The following PYROXD1 variants were observed in gnomAD, a reference collection of about 807,000 sequenced individuals.
PYROXD1 encodes pyridine nucleotide-disulphide oxidoreductase domain 1, also known as tRNA ligase complex-associated NAD(P)H dehydrogenase PYROXD1.
A neutral mutation model predicts 62.0 loss-of-function variants in PYROXD1; 42 were observed. The ratio of observed to expected loss-of-function variants is 0.68; its 90% CI spans 0.53 to 0.88. The LOEUF (loss-of-function observed/expected upper bound fraction) is 0.88, where lower values mean the gene tolerates loss of function less well. Ranked by LOEUF, PYROXD1 falls within the 40% of genes least tolerant of loss-of-function variation. The pLI, the probability that PYROXD1 is intolerant of heterozygous loss-of-function variation, is 0.00. For synonymous variants in PYROXD1, 170 were observed against 206.4 expected, an observed-to-expected ratio of 0.82 and a Z score of 1.51; for missense variants, 493 against 604.8, an observed-to-expected ratio of 0.82 and a Z score of 1.94.
chr12:21,440,774 T>C (rs1040900594), intron 2 of PYROXD1, among the ~76,000 whole-genome samples: 2 of 152,250 alleles, frequency 1.3e-5, no homozygotes, highest in African/African-American at 4.8e-5. Flanking sequence ...TCAGCTTTTC[T>C]CCATTCAATA....
chr12:21,456,259 C>T (rs1009316630), intron 7 of PYROXD1, among the ~76,000 whole-genome samples, 164 bp downstream of exon 7: 1 of 152,064 alleles, frequency 6.6e-6, no homozygotes, highest in South Asian at 2.1e-4. Context: ...TCCATTTGGC[C>T]ACCAAAGAAA....
At chr12:21,447,651 G>T in intron 3 of PYROXD1, 1 of 173,780 alleles carries the variant, frequency 5.8e-6, no homozygotes, top group South Asian at 1.6e-4. Flanking sequence ...GGGAATTCGG[G>T]AACTCAGTGG....
In PYROXD1 at chr12:21,469,528, T is replaced by C. The variant is rs2137299784; in HGVS notation, c.*774T>C. 1 of 150,768 alleles carries C rather than the reference T, an allele frequency of 6.6e-6. No homozygotes were observed. Among genetic ancestry groups the C allele is most frequent in the Middle Eastern group, 3.5e-3 (1 of 286 alleles). The allele number at this position is 150,768 out of a possible 1,614,324, so 9.3% of individuals were successfully genotyped here. Reference sequence around the variant, plus strand: ...CTTAAAGTATCACTCAGTGAACCTCTGTCAGTATAATATTGCTTTCAAAAA... The same window carrying C: ...CTTAAAGTATCACTCAGTGAACCTCCGTCAGTATAATATTGCTTTCAAAAA... On this transcript the variant is annotated 3_prime_UTR_variant, in exon 12 of 12. Transcript: ENST00000240651.
chr12:21,448,035 C>T (rs912372695), intron 3 of PYROXD1: 4 of 492,720 alleles, frequency 8.1e-6, no homozygotes, highest in Non-Finnish European at 1.5e-5. Context: ...AGGTATCTCT[C>T]TAAAATTGAC....
chr12:21,465,328 CAT>C (rs1161308821), intron 10 of PYROXD1, among the ~76,000 whole-genome samples: 2 of 152,018 alleles, frequency 1.3e-5, no homozygotes, highest in African/African-American at 4.8e-5. Context: ...CTCTCCAGCA[CAT>C]GTTGTTTCCT....
rs11550068 is a variant in PYROXD1 at position 21,468,629 on chromosome 12, G to A, written c.1378G>A (p.Val460Ile). The A allele has an allele frequency of 4.1e-5, 66 of 1,613,032 alleles. No individual in the cohort carries two copies. Among genetic ancestry groups the A allele is most frequent in the Non-Finnish European group, 5.5e-5 (65 of 1,179,380 alleles). ...GCAAAATGGACGAATGATGGGAGCT[G>A]TCTTAATTGGTGAAACCGATTTAGA... ...VMQNGRMMGA[V>I]LIGETDLEET... is the part of the protein sequence containing the mutation. The change falls in exon 12 of 12, where the codon GTC becomes ATC. Residue 460 changes from valine to isoleucine, a missense_variant. Transcript: ENST00000240651.
intron 7 of PYROXD1, among the ~76,000 whole-genome samples, chr12:21,458,650 C>G (rs929151651): frequency 6.6e-6 from 1 of 152,090 alleles, no homozygotes; most frequent in African/African-American, 2.4e-5. Context: ...ACTGATTGCC[C>G]TGGTTTCAAT....
At chr12:21,449,493 G>T in intron 3 of PYROXD1, 70 bp from the exon 4 acceptor site, 1 of 1,475,588 alleles carries the variant, frequency 6.8e-7, no homozygotes, top group Admixed American at 2.2e-5. Flanking sequence ...TGAATTTTTA[G>T]TTTAAAGTGA....
chr12:21,458,987 T>TA (rs1418730057), intron 7 of PYROXD1, among the ~76,000 whole-genome samples: 3 of 152,158 alleles, frequency 2.0e-5, no homozygotes, highest in Non-Finnish European at 4.4e-5. Flanking sequence ...CTTCAATTTG[T>TA]AAAAAACACA....
intron 3 of PYROXD1, 146 bp downstream of exon 3, chr12:21,445,612 G>A: frequency 1.2e-6 from 1 of 847,300 alleles, no homozygotes; most frequent in African/African-American, 1.7e-5. Context: ...AGTATTATTA[G>A]AAAAAATACA....
chr12:21,442,979 C>T (rs189785648), intron 2 of PYROXD1, among the ~76,000 whole-genome samples: 3 of 151,686 alleles, frequency 2.0e-5, no homozygotes, highest in Non-Finnish European at 2.9e-5. Context: ...GTTGAGCCCT[C>T]TTTGGGCTAT....
intron 2 of PYROXD1, among the ~76,000 whole-genome samples, chr12:21,441,571 G>T (rs1453398631): frequency 6.6e-6 from 1 of 151,784 alleles, no homozygotes; most frequent in Non-Finnish European, 1.5e-5. Flanking sequence ...ATAGTCTGTT[G>T]CATTTTTTTT....
chr12:21,462,964 C>A, intron 10 of PYROXD1, 102 bp downstream of exon 10: 2 of 1,175,734 alleles, frequency 1.7e-6, no homozygotes, highest in Non-Finnish European at 2.3e-6. Context: ...AACTTTTCTG[C>A]TTAAGTAGGA....
At chr12:21,462,162 G>A (rs1375650111) in intron 9 of PYROXD1, 42 bp downstream of exon 9, 6 of 1,108,038 alleles carry the variant, frequency 5.4e-6, no homozygotes, top group Non-Finnish European at 8.2e-6. Flanking sequence ...TATATTTGAA[G>A]TATTTTTGTG....
Position 21,470,281 on chromosome 12 carries a change from G to T in PYROXD1, c.*1527G>T. ...TGTTTGCAGCCTTCTTCTGGAAGTT[G>T]CCTGAATTTTTTTCCTCCATCTTTT... On this transcript the variant is annotated 3_prime_UTR_variant, in exon 12 of 12. Coordinates refer to ENST00000240651, the MANE Select transcript of PYROXD1 (RefSeq NM_024854.5). The T allele has an allele frequency of 6.2e-7, 1 of 1,604,676 alleles. No homozygotes were observed. Among genetic ancestry groups the T allele is most frequent in the South Asian group, 1.1e-5 (1 of 90,468 alleles).
intron 10 of PYROXD1, among the ~76,000 whole-genome samples, chr12:21,466,977 T>C (rs1942806650): frequency 6.6e-6 from 1 of 152,152 alleles, no homozygotes; most frequent in Non-Finnish European, 1.5e-5. Context: ...GCAAAACAAT[T>C]TAAATGACTT....
intron 10 of PYROXD1, among the ~76,000 whole-genome samples, chr12:21,465,183 G>C (rs1038317135): frequency 6.6e-6 from 1 of 152,086 alleles, no homozygotes; most frequent in East Asian, 1.9e-4. Flanking sequence ...GGGTATATAC[G>C]CAGTACTGGG....
chr12:21,438,133 C>G (rs1466794766), intron 1 of PYROXD1: 4 of 315,916 alleles, frequency 1.3e-5, no homozygotes, highest in Non-Finnish European at 1.7e-5. Flanking sequence ...AGCCCCCTTT[C>G]TTTTTATTTT....
At chr12:21,456,438 C>T (rs192317012) in intron 7 of PYROXD1, among the ~76,000 whole-genome samples, 2 of 152,258 alleles carry the variant, frequency 1.3e-5, no homozygotes, top group East Asian at 3.9e-4. Context: ...TTTTCAGTTT[C>T]CCAGTGCCTG....
Sources: gnomAD v4.1 joint callset for allele counts (sites outside exome capture counted in the v4.1 genomes callset) on GRCh38, gnomAD v4.1.1 for gene constraint, MANE v1.5 for transcripts, NCBI Gene and HGNC (gene_info 2026-07-23, HGNC 2026-07-21) for gene names.